Variants in TARS3 observed in about 807,000 individuals in gnomAD.
TARS3 encodes the protein threonyl-tRNA synthetase 3.
TARS3 carries 94 observed loss-of-function variants against 103.5 expected under a neutral mutation model. The ratio of observed to expected loss-of-function variants is 0.91; its 90% CI spans 0.77 to 1.08. The LOEUF is 1.08. TARS3 is among the 50% of genes least tolerant of loss of function. The pLI, the probability that TARS3 is intolerant of heterozygous loss-of-function variation, is 0.00. For synonymous variants in TARS3, 416 were observed against 355.4 expected, an observed-to-expected ratio of 1.17 and a Z score of -1.92; for missense variants, 952 against 995.2, an observed-to-expected ratio of 0.96 and a Z score of 0.58.
chr15:101,675,234 C>T (rs929611847), intron 13 of TARS3, among the ~76,000 whole-genome samples: 1 of 152,108 alleles, frequency 6.6e-6, no homozygotes, highest in Non-Finnish European at 1.5e-5. Context: ...GACCATGCAG[C>T]CCTGGGACTC....
At chr15:101,665,710 CTTGAGT>C (rs894867246) in intron 15 of TARS3, among the ~76,000 whole-genome samples, 2 of 152,148 alleles carry the variant, frequency 1.3e-5, no homozygotes, top group South Asian at 2.1e-4. Flanking sequence ...GAAAAATCAG[CTTGAGT>C]TTAAGACGGC....
intron 4 of TARS3, among the ~76,000 whole-genome samples, chr15:101,712,742 G>A (rs1269748735): frequency 6.6e-6 from 1 of 152,106 alleles, no homozygotes; most frequent in Non-Finnish European, 1.5e-5. Context: ...ATAAATATAG[G>A]TACCAAAGGA....
At chr15:101,673,914 C>T (rs1056229688) in intron 13 of TARS3, among the ~76,000 whole-genome samples, 2 of 152,096 alleles carry the variant, frequency 1.3e-5, no homozygotes, top group Non-Finnish European at 2.9e-5. Flanking sequence ...TCTTATTTCT[C>T]ATATTGGTGT....
In TARS3 at chr15:101,712,011, A is replaced by G; in HGVS notation, c.691-10T>C. On this transcript the variant is annotated splice_polypyrimidine_tract_variant and intron_variant, in intron 4 of 18. Coordinates refer to ENST00000335968, the MANE Select transcript of TARS3 (RefSeq NM_152334.3). The stretch of plus-strand genomic sequence containing the variant: ...TGGAGTGCCAGTACACCTGCATGGC[A>G]TGGACAAAGAGGCCATTAGCTACCA... 6.2e-7 allele frequency: 1 copy of G among 1,607,216 alleles called. No homozygotes were observed. The highest frequency in any genetic ancestry group is 8.5e-7 in the Non-Finnish European group (1 of 1,177,488).
At chr15:101,661,981 ATCT>A (rs1348692044) in intron 15 of TARS3, among the ~76,000 whole-genome samples, 165 bp from the exon 16 acceptor site, 2 of 152,110 alleles carry the variant, frequency 1.3e-5, no homozygotes, top group African/African-American at 2.4e-5. Flanking sequence ...TTCTTTGCTA[ATCT>A]TTTTTCTTTT....
intron 16 of TARS3, among the ~76,000 whole-genome samples, chr15:101,658,914 T>C (rs903395210): frequency 1.3e-5 from 2 of 152,156 alleles, no homozygotes; most frequent in African/African-American, 4.8e-5. Context: ...TAGCTCAGCC[T>C]CCTGAGTAGC....
chr15:101,724,108 G>A lies in TARS3; in HGVS notation c.280C>T (p.Gln94Ter). Residue 94 changes from glutamine to a stop codon, truncating the protein, a stop_gained, in exon 1 of 19, where the codon CAG becomes TAG. Coordinates refer to ENST00000335968, the MANE Select transcript of TARS3 (RefSeq NM_152334.3). LOFTEE classifies it high-confidence loss of function. Reference sequence around the variant, plus strand: ...CCGGTTACCTGTGCGCCGGCCTCCTGCGCCGCCTCTAGCTCCGCGCTCTCC... The same window carrying A: ...CCGGTTACCTGTGCGCCGGCCTCCTACGCCGCCTCTAGCTCCGCGCTCTCC... ...TLESAELEAA[Q>*]EAGAQPPPSQ... 1.9e-5 allele frequency: 26 copies of A among 1,378,072 alleles called. No individual in the cohort carries two copies. The highest frequency in any genetic ancestry group is 2.2e-5 in the Non-Finnish European group (23 of 1,066,538). The allele number at this position is 1,378,072 out of a possible 1,614,324, so 85.4% of individuals were successfully genotyped here. A position where few individuals can be genotyped will look rare whatever the true frequency, so the allele number is the denominator to read the frequency against.
chr15:101,710,685 T>C (rs1899818109), intron 5 of TARS3, among the ~76,000 whole-genome samples: 1 of 152,148 alleles, frequency 6.6e-6, no homozygotes, highest in Non-Finnish European at 1.5e-5. Context: ...AGTCTGTAAG[T>C]AGTAGCTACA....
At chr15:101,716,708 CA>C (rs1435816144) in intron 3 of TARS3, among the ~76,000 whole-genome samples, 1 of 152,140 alleles carries the variant, frequency 6.6e-6, no homozygotes, top group Non-Finnish European at 1.5e-5. Flanking sequence ...TCTGGAAGTA[CA>C]ACTGCTAGGT....
intron 6 of TARS3, among the ~76,000 whole-genome samples, chr15:101,706,028 A>G (rs887463912): frequency 5.3e-5 from 8 of 152,164 alleles, no homozygotes; most frequent in Non-Finnish European, 1.2e-4. Context: ...CAGTGCCACC[A>G]TCTTGGCTCA....
chr15:101,710,710 C>T (rs971961102), intron 5 of TARS3, among the ~76,000 whole-genome samples: 9 of 152,164 alleles, frequency 5.9e-5, no homozygotes, highest in African/African-American at 1.4e-4. Flanking sequence ...ATTGGGTGCT[C>T]GGTTGGGGAG....
chr15:101,697,595 C>T (rs1241561245), intron 10 of TARS3, among the ~76,000 whole-genome samples: 2 of 152,144 alleles, frequency 1.3e-5, no homozygotes, highest in Non-Finnish European at 1.5e-5. Flanking sequence ...ACCTTCTTAT[C>T]CTTAGACTGT....
rs143111392 is a variant in TARS3, at chr15:101,684,220, C to T, written c.1505G>A (p.Arg502His). ...CPGHCLMFAHRPRSWREMPIR... is the reference protein window; with the variant it reads ...CPGHCLMFAHHPRSWREMPIR... ...AGGCATTTCCCTCCAAGATCGTGGA[C>T]GATGGGCAAACATTAGACTAGAAAA... Residue 502 changes from arginine to histidine, a missense_variant, in exon 12 of 19, where the codon CGT becomes CAT. Around this residue, in one of 2 missense-constraint regions of TARS3, gnomAD observed 540 missense variants for 631.0 expected, o/e 0.86. Coordinates refer to ENST00000335968, the MANE Select transcript of TARS3 (RefSeq NM_152334.3). 243 of 1,613,576 alleles carry T rather than the reference C, an allele frequency of 1.5e-4. No homozygotes were observed. Among genetic ancestry groups the T allele is most frequent in the African/African-American group, 4.7e-4 (35 of 74,890 alleles).
chr15:101,699,803 C>A (rs1899168225), intron 10 of TARS3, among the ~76,000 whole-genome samples: 1 of 152,112 alleles, frequency 6.6e-6, no homozygotes, highest in South Asian at 2.1e-4. Context: ...CAGAGAATAA[C>A]CAGTGCAGGC....
chr15:101,720,882 G>A (rs1328895321), intron 3 of TARS3, among the ~76,000 whole-genome samples: 3 of 152,150 alleles, frequency 2.0e-5, no homozygotes, highest in Non-Finnish European at 4.4e-5. Context: ...CCTTGCCGCT[G>A]CCATGTGAAG....
chr15:101,661,710 AC>A lies in TARS3; in HGVS notation c.2072+1del, dbSNP rs1366130104. 2.5e-6 allele frequency: 4 copies of A among 1,578,270 alleles called. No homozygotes were observed. On this transcript the variant is annotated splice_donor_variant, in intron 16 of 18. Coordinates refer to ENST00000335968, the MANE Select transcript of TARS3 (RefSeq NM_152334.3). LOFTEE classifies it high-confidence loss of function. Reference sequence around the variant, plus strand: ...ATAGTTTTTCTTTTCCATATCACTTACCATTTTCCGCCATAGTTTTCTGAAA... The same window carrying A: ...ATAGTTTTTCTTTTCCATATCACTTACATTTTCCGCCATAGTTTTCTGAAA...
At chr15:101,711,137 T>C (rs1238537736) in intron 5 of TARS3, among the ~76,000 whole-genome samples, 2 of 152,186 alleles carry the variant, frequency 1.3e-5, no homozygotes, top group Admixed American at 6.5e-5. Flanking sequence ...TAAACTAGCC[T>C]CTCTCTAGGA....
chr15:101,671,303 C>T (rs1052889426), intron 15 of TARS3, among the ~76,000 whole-genome samples, 183 bp downstream of exon 15: 12 of 152,150 alleles, frequency 7.9e-5, no homozygotes, highest in Admixed American at 4.6e-4. Context: ...ATCTTCCTCC[C>T]GCTACTAGAC....
Position 101,654,707 on chromosome 15 carries a change from C to A in TARS3, c.2284G>T (p.Asp762Tyr). Residue 762 changes from aspartate to tyrosine, a missense_variant, in exon 19 of 19, where the codon GAT becomes TAT. Asp to Tyr is a radical substitution (Grantham distance 160). Coordinates refer to ENST00000335968, the MANE Select transcript of TARS3 (RefSeq NM_152334.3). ...CTTGTTCGCACGTTTACAGCATTATCTATCTTTTCCTTTTCTCCAACCACT... is the reference window on the plus strand; with the variant it reads ...CTTGTTCGCACGTTTACAGCATTATATATCTTTTCCTTTTCTCCAACCACT... ...ILVVGEKEKI[D>Y]NAVNVRTRDN... 1 of 1,613,696 alleles carries A rather than the reference C, an allele frequency of 6.2e-7. No homozygotes were observed. The highest frequency in any genetic ancestry group is 8.5e-7 in the Non-Finnish European group (1 of 1,179,908).
Sources: allele counts gnomAD v4.1 joint callset (sites outside exome capture counted in the v4.1 genomes callset), GRCh38; gene constraint gnomAD v4.1.1; regional missense constraint gnomAD v4.1.1; transcripts MANE v1.5; gene names NCBI Gene and HGNC (gene_info 2026-07-23, HGNC 2026-07-21).